CAP2: variants seen among roughly 807,000 people sequenced by gnomAD.
The protein encoded by CAP2 is adenylyl cyclase-associated protein 2.
Under a neutral mutation model 57.7 loss-of-function variants are expected in CAP2, and 24 were observed. The observed-to-expected ratio is 0.42, with a 90% CI of 0.30 to 0.58. The LOEUF (loss-of-function observed/expected upper bound fraction) is 0.58. Ranked by LOEUF, CAP2 falls within the 20% of genes least tolerant of loss-of-function variation. The pLI, the probability that CAP2 is intolerant of heterozygous loss-of-function variation, is 0.22. For missense variants in CAP2, 501 were observed against 590.3 expected (o/e 0.85, Z 1.57); for synonymous variants, 194 against 207.2 (o/e 0.94, Z 0.55).
intron 3 of CAP2, among the ~76,000 whole-genome samples, chr6:17,461,218 C>CTTTTTTTTTTTTTTTTT: frequency 6.8e-6 from 1 of 147,970 alleles, no homozygotes; most frequent in Non-Finnish European, 1.5e-5. Context: ...TCTTTGAAAC[C>CTTTTTTTTTTTTTTTTT]TTTTTTTTTT....
At chr6:17,500,516 T>G (rs530727144) in intron 4 of CAP2, among the ~76,000 whole-genome samples, 1 of 151,318 alleles carries the variant, frequency 6.6e-6, no homozygotes, top group African/African-American at 2.4e-5. Context: ...CTGATTTGGA[T>G]AACCTTTGCT....
chr6:17,529,752 A>T (rs1415025867), intron 7 of CAP2, among the ~76,000 whole-genome samples: 1 of 151,678 alleles, frequency 6.6e-6, no homozygotes, highest in Non-Finnish European at 1.5e-5. Flanking sequence ...CTGTTCTAAA[A>T]CTGGTAGTTC....
At chr6:17,404,604 C>CAAA (rs71536725) in intron 1 of CAP2, among the ~76,000 whole-genome samples, 1 of 127,514 alleles carries the variant, frequency 7.8e-6, no homozygotes, top group Admixed American at 8.0e-5. Context: ...GACTCCATCT[C>CAAA]AAAAAAAAAA....
intron 7 of CAP2, among the ~76,000 whole-genome samples, chr6:17,537,808 G>A (rs894612413): frequency 6.6e-6 from 1 of 152,294 alleles, no homozygotes; most frequent in Non-Finnish European, 1.5e-5. Flanking sequence ...GCTTACACCT[G>A]TAATCCCAGC....
chr6:17,419,615 G>A (rs1235315983), intron 1 of CAP2, among the ~76,000 whole-genome samples: 1 of 151,830 alleles, frequency 6.6e-6, no homozygotes, highest in Non-Finnish European at 1.5e-5. Flanking sequence ...AATTTTAGTC[G>A]GTACTTACCC....
chr6:17,481,449 A>AC (rs1454404925), intron 4 of CAP2, among the ~76,000 whole-genome samples: 1 of 53,110 alleles, frequency 1.9e-5, no homozygotes, highest in Non-Finnish European at 3.3e-5. Flanking sequence ...GGAAACAAAA[A>AC]AAACTTTTGT....
intron 3 of CAP2, among the ~76,000 whole-genome samples, chr6:17,433,519 G>C (rs1469580013): frequency 1.2e-4 from 19 of 152,182 alleles, no homozygotes; most frequent in Admixed American, 3.9e-4. Context: ...CCAGGCTTAG[G>C]CCCAGGGCAG....
chr6:17,491,004 G>A (rs780235896), intron 4 of CAP2, among the ~76,000 whole-genome samples: 2 of 152,134 alleles, frequency 1.3e-5, no homozygotes, highest in Non-Finnish European at 2.9e-5. Context: ...ACCACAGGAC[G>A]TGTGCTACTA....
intron 3 of CAP2, among the ~76,000 whole-genome samples, chr6:17,435,711 T>A: frequency 3.8e-5 from 5 of 132,188 alleles, no homozygotes; most frequent in South Asian, 2.4e-4. Context: ...AAAAGAAGTT[T>A]ACGGATAAAA....
chr6:17,446,873 T>C (rs1760271308), intron 3 of CAP2, among the ~76,000 whole-genome samples: 1 of 152,200 alleles, frequency 6.6e-6, no homozygotes, highest in Non-Finnish European at 1.5e-5. Context: ...GGCACCCTAG[T>C]GGTCAGGGGT....
At chr6:17,532,754 C>A (rs1036486818) in intron 7 of CAP2, among the ~76,000 whole-genome samples, 3 of 144,276 alleles carry the variant, frequency 2.1e-5, no homozygotes, top group African/African-American at 2.6e-5. Context: ...AAAAAAAACA[C>A]ACACACACAA....
In CAP2 at chr6:17,556,714, G is replaced by C; in HGVS notation, c.*272G>C. On this transcript the variant is annotated 3_prime_UTR_variant, in exon 13 of 13. Coordinates refer to ENST00000229922, the MANE Select transcript of CAP2 (RefSeq NM_006366.3). ...TTAAAGGAAAAAAAAAAAGAATTCT[G>C]TTCCCCTCATATCATGAACACAGTA... 2.4e-6 allele frequency: 1 copy of C among 414,952 alleles called. No individual in the cohort carries two copies. Among genetic ancestry groups the C allele is most frequent in the South Asian group, 4.6e-5 (1 of 21,720 alleles). 25.7% of individuals were successfully genotyped at this position (414,952 alleles called of 1,614,324 possible). A position where few individuals can be genotyped will look rare whatever the true frequency, so the allele number is the denominator to read the frequency against.
At chr6:17,477,660 C>T (rs1452520388) in intron 4 of CAP2, among the ~76,000 whole-genome samples, 1 of 152,174 alleles carries the variant, frequency 6.6e-6, no homozygotes, top group Non-Finnish European at 1.5e-5. Context: ...GAGATTCATA[C>T]TTAACAAGAT....
rs1760766147 is a variant in CAP2, at chr6:17,462,995, G to A, written c.223-1G>A. The A allele has an allele frequency of 6.2e-7, 1 of 1,613,670 alleles. No homozygotes were observed. The highest frequency in any genetic ancestry group is 8.5e-7 in the Non-Finnish European group (1 of 1,179,722). ...ACTGCCATCTTCCTCTTTGTTCCCA[G>A]GCAGAAATGGTGCACAGTGCTTTCC... On this transcript the variant is annotated splice_acceptor_variant, in intron 3 of 12. Transcript: ENST00000229922. LOFTEE classifies it high-confidence loss of function.
intron 7 of CAP2, among the ~76,000 whole-genome samples, chr6:17,522,943 T>G (rs891985539): frequency 2.6e-4 from 39 of 152,166 alleles, no homozygotes; most frequent in African/African-American, 9.2e-4. Flanking sequence ...TACAGCCATA[T>G]GCCACCATGC....
intron 3 of CAP2, among the ~76,000 whole-genome samples, chr6:17,455,834 CTAAACTTTTTAA>C (rs1483962106): frequency 1.3e-5 from 2 of 152,202 alleles, no homozygotes; most frequent in Non-Finnish European, 2.9e-5. Context: ...CGCGCCCAGC[CTAAACTTTTTAA>C]TAAACTTTCC....
chr6:17,438,490 G>A (rs1463154942), intron 3 of CAP2, among the ~76,000 whole-genome samples: 2 of 109,580 alleles, frequency 1.8e-5, no homozygotes, highest in Non-Finnish European at 3.4e-5. Flanking sequence ...CCAGGCTGGA[G>A]TGCAGTGGCA....
rs1761661029 is a variant in CAP2, at chr6:17,496,033, G to GGGGGC, written c.301-11132_301-11131insCGGGG. Among the ~76,000 whole-genome samples the GGGGGC allele has an allele frequency of 1.4e-4, 18 of 126,842 alleles. 2 individuals are homozygous for GGGGGC. The highest frequency in any genetic ancestry group is 1.3e-3 in the Admixed American group (17 of 12,944). The allele number at this position is 126,842 out of a possible 152,430, so 83.2% of individuals were successfully genotyped here. A position where few individuals can be genotyped will look rare whatever the true frequency, so the allele number is the denominator to read the frequency against. ...CTGTGCATGCGTGTGTGGGTGGGGG[G>GGGGGC]GGGGGGTAAGTCAGGGAAAACAGGC... On this transcript the variant is annotated intron_variant, in intron 4 of 12. Coordinates refer to ENST00000229922, the MANE Select transcript of CAP2 (RefSeq NM_006366.3).
At chr6:17,487,269 A>G (rs913030044) in intron 4 of CAP2, among the ~76,000 whole-genome samples, 1 of 151,908 alleles carries the variant, frequency 6.6e-6, no homozygotes, top group Non-Finnish European at 1.5e-5. Flanking sequence ...AACACTCCCA[A>G]TTGGTATCTG....
Sources: allele counts gnomAD v4.1 joint callset (sites outside exome capture counted in the v4.1 genomes callset), GRCh38; gene constraint gnomAD v4.1.1; transcripts MANE v1.5; gene names NCBI Gene and HGNC (gene_info 2026-07-23, HGNC 2026-07-21).